Variants in SPATA1 observed in about 807,000 individuals in gnomAD.
The protein encoded by SPATA1 is spermatogenesis-associated protein 1.
Under a neutral mutation model 59.6 loss-of-function variants are expected in SPATA1, and 57 were observed. The observed-to-expected ratio is 0.96, with a 90% CI of 0.77 to 1.19. The LOEUF (loss-of-function observed/expected upper bound fraction) is 1.19, where lower values mean the gene tolerates loss of function less well. Ranked by LOEUF, SPATA1 falls within the 50% of genes most tolerant of loss-of-function variation. The pLI, the probability that SPATA1 is intolerant of heterozygous loss-of-function variation, is 0.00. For synonymous variants in SPATA1, 147 were observed against 163.9 expected (o/e 0.90, Z 0.79); for missense variants, 448 against 480.7 (o/e 0.93, Z 0.64).
At chr1:84,508,236 A>ATGGCACCACTGCACTCCAGCC (rs1682364877) in intron 1 of SPATA1, among the ~76,000 whole-genome samples, 1 of 151,794 alleles carries the variant, frequency 6.6e-6, no homozygotes, top group Admixed American at 6.6e-5. Context: ...GTGAGCCGAG[A>ATGGCACCACTGCACTCCAGCC]TGGCACCACT....
At chr1:84,510,641 C>A (rs12021885) in intron 1 of SPATA1, among the ~76,000 whole-genome samples, 1 of 152,084 alleles carries the variant, frequency 6.6e-6, no homozygotes, top group Non-Finnish European at 1.5e-5. Context: ...TCAGTATGTC[C>A]CAGGAATCCC....
chr1:84,542,869 C>T (rs1683956803), intron 8 of SPATA1, among the ~76,000 whole-genome samples: 1 of 152,102 alleles, frequency 6.6e-6, no homozygotes, highest in Non-Finnish European at 1.5e-5. Context: ...GTACTCTGCC[C>T]TTTATCTGTC....
At chr1:84,558,984 GA>G (rs980108897), downstream of SPATA1, among the ~76,000 whole-genome samples, 1 of 152,130 alleles carries the variant, frequency 6.6e-6, no homozygotes, top group African/African-American at 2.4e-5. Flanking sequence ...GGATTACAAA[GA>G]AACAGTATAT....
At position 84,525,951 on chromosome 1, in the gene SPATA1, A is replaced by G. The variant is rs1683203856; in HGVS notation, c.422A>G (p.Asn141Ser). The change falls in exon 6 of 13, where the codon AAT (asparagine) becomes AGT (serine). Residue 141 changes from asparagine (N) to serine (S), a missense_variant. Coordinates refer to ENST00000490879, the Ensembl canonical transcript of SPATA1. Reference sequence around the variant, plus strand: ...GAGCGGCAGACTAATAATGGTGTTAATGAGGCTGATGGAACAATCCACAGA... The same window carrying G: ...GAGCGGCAGACTAATAATGGTGTTAGTGAGGCTGATGGAACAATCCACAGA... 3.1e-6 allele frequency: 5 copies of G among 1,613,760 alleles called. No individual in the cohort carries two copies. In the East Asian group the frequency reaches 1.1e-4, roughly 36 times the overall value.
At chr1:84,509,292 C>T (rs925946799) in intron 1 of SPATA1, among the ~76,000 whole-genome samples, 11 of 151,576 alleles carry the variant, frequency 7.3e-5, no homozygotes, top group Admixed American at 5.3e-4. Context: ...TCGTTTTTTA[C>T]GAAGGTGCCA....
At chr1:84,554,531 T>C (rs1003619156) in exon 13 of SPATA1, 1 of 157,044 alleles carries the variant, frequency 6.4e-6, no homozygotes, top group African/African-American at 2.4e-5. Flanking sequence ...GGGGAGACAC[T>C]ACATTGTAGG....
intron 1 of SPATA1, among the ~76,000 whole-genome samples, chr1:84,510,267 A>G (rs1682478517): frequency 6.6e-6 from 1 of 152,230 alleles, no homozygotes; most frequent in African/African-American, 2.4e-5. Context: ...CCATCTGATA[A>G]AGGATTTATA....
chr1:84,552,780 T>C (rs945598856), intron 12 of SPATA1: 5 of 286,560 alleles, frequency 1.7e-5, no homozygotes, highest in Non-Finnish European at 2.6e-5. Flanking sequence ...TTTAGAACAG[T>C]TCAATTGTAT....
intron 4 of SPATA1, among the ~76,000 whole-genome samples, chr1:84,559,577 G>A (rs537895137): frequency 5.3e-5 from 8 of 152,100 alleles, no homozygotes; most frequent in Non-Finnish European, 8.8e-5. Context: ...AACTGAGATT[G>A]TGCCACTGCA....
At chr1:84,565,468 A>G (rs1479626836) in intron 4 of SPATA1, among the ~76,000 whole-genome samples, 1 of 152,212 alleles carries the variant, frequency 6.6e-6, no homozygotes, top group Non-Finnish European at 1.5e-5. Context: ...TTATTTCAAC[A>G]AAAATATCCT....
chr1:84,515,745 C>A (rs1682769122), intron 1 of SPATA1, among the ~76,000 whole-genome samples: 1 of 152,046 alleles, frequency 6.6e-6, no homozygotes, highest in Non-Finnish European at 1.5e-5. Context: ...GGCATTTTCA[C>A]CTGGAATGAT....
intron 6 of SPATA1, among the ~76,000 whole-genome samples, chr1:84,528,769 A>G (rs1683338530): frequency 6.6e-6 from 1 of 152,216 alleles, no homozygotes; most frequent in South Asian, 2.1e-4. Flanking sequence ...TCACTAAACA[A>G]CATCCATGTG....
intron 1 of SPATA1, among the ~76,000 whole-genome samples, chr1:84,508,432 A>G (rs534433576): frequency 1.3e-5 from 2 of 152,194 alleles, no homozygotes; most frequent in Non-Finnish European, 2.9e-5. Flanking sequence ...GACATTTCAA[A>G]CATGTTACCA....
At chr1:84,548,738 C>A (rs781038517) in intron 10 of SPATA1, 48 bp from the exon 11 acceptor site, 241 of 1,371,084 alleles carry the variant, frequency 1.8e-4, no homozygotes, top group Non-Finnish European at 2.1e-4. Context: ...AATACTCAAA[C>A]GAAGGCCTTT....
At chr1:84,565,376 C>G (rs1350131124) in intron 4 of SPATA1, among the ~76,000 whole-genome samples, 1 of 152,096 alleles carries the variant, frequency 6.6e-6, no homozygotes, top group African/African-American at 2.4e-5. Context: ...ATCACAGATA[C>G]TAAAAGAAGT....
chr1:84,556,720 A>AG (rs1023790374), downstream of SPATA1, among the ~76,000 whole-genome samples: 4 of 151,806 alleles, frequency 2.6e-5, no homozygotes, highest in Non-Finnish European at 5.9e-5. Flanking sequence ...CAAAAAAAAA[A>AG]AAAAAAAAGA....
At chr1:84,528,853 A>G (rs1013148875) in intron 6 of SPATA1, among the ~76,000 whole-genome samples, 8 of 152,190 alleles carry the variant, frequency 5.3e-5, no homozygotes, top group African/African-American at 9.7e-5. Context: ...ATTATGTCAT[A>G]TATTTTCTGT....
At chr1:84,543,307 T>C (rs916828293) in intron 8 of SPATA1, among the ~76,000 whole-genome samples, 1 of 152,122 alleles carries the variant, frequency 6.6e-6, no homozygotes, top group Non-Finnish European at 1.5e-5. Context: ...AGGCTTGAGG[T>C]AATTCATCAA....
intron 6 of SPATA1, among the ~76,000 whole-genome samples, chr1:84,530,109 G>A (rs1260543833): frequency 6.6e-6 from 1 of 150,786 alleles, no homozygotes; most frequent in Non-Finnish European, 1.5e-5. Flanking sequence ...CCGCCCGCCT[G>A]GGACAGGCAG....
Sources: allele counts gnomAD v4.1 joint callset (sites outside exome capture counted in the v4.1 genomes callset), GRCh38; gene constraint gnomAD v4.1.1; transcripts MANE v1.5; gene names NCBI Gene and HGNC (gene_info 2026-07-23, HGNC 2026-07-21).